SLC10A7: variants seen among roughly 807,000 people sequenced by gnomAD.
SLC10A7 encodes sodium/bile acid cotransporter 7.
SLC10A7 carries 29 observed loss-of-function variants against 43.2 expected under a neutral mutation model. The observed-to-expected ratio is 0.67, with a 90% CI of 0.50 to 0.92. The LOEUF (loss-of-function observed/expected upper bound fraction) is 0.92, where lower values mean the gene tolerates loss of function less well. Among genes scored for constraint, SLC10A7 ranks in the 40% least tolerant of loss-of-function variants. The pLI is 0.00. For synonymous variants in SLC10A7, 152 were observed against 144.8 expected (o/e 1.05, Z -0.35); for missense variants, 295 against 403.2 (o/e 0.73, Z 2.30).
intron 5 of SLC10A7, among the ~76,000 whole-genome samples, chr4:146,383,492 G>C (rs1210087873): frequency 6.6e-6 from 1 of 152,180 alleles, no homozygotes; most frequent in African/African-American, 2.4e-5. Context: ...GAAATCTCTA[G>C]ACGATATTTA....
At chr4:146,472,661 C>T (rs190521404) in intron 4 of SLC10A7, among the ~76,000 whole-genome samples, 2 of 152,224 alleles carry the variant, frequency 1.3e-5, no homozygotes, top group Admixed American at 6.5e-5. Flanking sequence ...GTGGAAGCTG[C>T]CTTATCACCT....
At chr4:146,511,675 A>G (rs912631255) in intron 2 of SLC10A7, among the ~76,000 whole-genome samples, 1 of 152,198 alleles carries the variant, frequency 6.6e-6, no homozygotes, top group Non-Finnish European at 1.5e-5. Flanking sequence ...CGATCTGAGT[A>G]TAATTTAGGA....
chr4:146,431,306 G>A (rs994093316), intron 5 of SLC10A7, among the ~76,000 whole-genome samples: 3 of 152,114 alleles, frequency 2.0e-5, no homozygotes, highest in Admixed American at 6.5e-5. Flanking sequence ...ACACAGTGGC[G>A]AAAGCAACAA....
At chr4:146,328,081 A>G (rs1304353206) in intron 5 of SLC10A7, among the ~76,000 whole-genome samples, 2 of 152,140 alleles carry the variant, frequency 1.3e-5, no homozygotes, top group Non-Finnish European at 2.9e-5. Flanking sequence ...GGGAGGCCTC[A>G]AGAGAAGCCC....
intron 5 of SLC10A7, among the ~76,000 whole-genome samples, chr4:146,413,991 C>T (rs1172834434): frequency 6.6e-6 from 1 of 152,120 alleles, no homozygotes; most frequent in African/African-American, 2.4e-5. Context: ...AGAACAAGCT[C>T]ACTATACTTC....
chr4:146,363,283 A>C (rs190214776), intron 5 of SLC10A7, among the ~76,000 whole-genome samples: 9 of 152,264 alleles, frequency 5.9e-5, no homozygotes, highest in Admixed American at 5.9e-4. Context: ...TCATTATATA[A>C]GGATAAAGGA....
At chr4:146,468,895 A>T (rs1394280268) in intron 4 of SLC10A7, among the ~76,000 whole-genome samples, 1 of 152,164 alleles carries the variant, frequency 6.6e-6, no homozygotes, top group African/African-American at 2.4e-5. Context: ...AATATTCAAT[A>T]ACAAATACAT....
chr4:146,384,626 A>C (rs993983792), intron 5 of SLC10A7, among the ~76,000 whole-genome samples: 2 of 152,138 alleles, frequency 1.3e-5, no homozygotes, highest in Non-Finnish European at 2.9e-5. Context: ...TTTGGACAAT[A>C]TTAGAAGATT....
At chr4:146,447,398 C>T (rs935957692) in intron 4 of SLC10A7, among the ~76,000 whole-genome samples, 8 of 152,108 alleles carry the variant, frequency 5.3e-5, no homozygotes, top group African/African-American at 1.9e-4. Context: ...TGTGAGTCAC[C>T]ATACCCAGCT....
intron 10 of SLC10A7, among the ~76,000 whole-genome samples, chr4:146,266,972 A>T (rs954532378): frequency 6.6e-6 from 1 of 152,230 alleles, no homozygotes; most frequent in African/African-American, 2.4e-5. Context: ...GCACTCTTCT[A>T]GGTGCAGTGA....
intron 11 of SLC10A7, among the ~76,000 whole-genome samples, chr4:146,257,829 C>A (rs1228773830): frequency 6.6e-6 from 1 of 152,118 alleles, no homozygotes; most frequent in Non-Finnish European, 1.5e-5. Flanking sequence ...ATCCTTTGAA[C>A]CAGGTAGAGG....
At position 146,513,181 on chromosome 4, in the gene SLC10A7, T is replaced by C. The variant is rs550798738; in HGVS notation, c.184-3132A>G. 4.6e-5 allele frequency among the ~76,000 whole-genome samples: 7 copies of C among 152,160 alleles called. No individual in the cohort carries two copies. The East Asian group carries it at 1.3e-3, about 29-fold the overall frequency. On this transcript the variant is annotated intron_variant, in intron 2 of 11. Transcript: ENST00000335472. ...TTATACATATCTTTATACCTTTCAA[T>C]TCTGAACTATGTAAATAAATCATAT...
At chr4:146,472,263 C>G (rs750982638) in intron 4 of SLC10A7, among the ~76,000 whole-genome samples, 89 of 152,002 alleles carry the variant, frequency 5.9e-4, no homozygotes, top group Non-Finnish European at 6.6e-4. Context: ...CTTCCATGTA[C>G]GGCATACATA....
intron 5 of SLC10A7, among the ~76,000 whole-genome samples, chr4:146,343,141 T>C (rs1431735994): frequency 6.6e-6 from 1 of 152,022 alleles, no homozygotes. Context: ...GATGAATAAT[T>C]ATACATCCTT....
At chr4:146,421,385 G>C (rs1014279624) in intron 5 of SLC10A7, among the ~76,000 whole-genome samples, 12 of 152,140 alleles carry the variant, frequency 7.9e-5, no homozygotes, top group African/African-American at 2.9e-4. Context: ...ATTCATTGTT[G>C]TTCATCTGGG....
At chr4:146,349,639 G>T (rs1372439807) in intron 5 of SLC10A7, among the ~76,000 whole-genome samples, 2 of 152,168 alleles carry the variant, frequency 1.3e-5, no homozygotes, top group Non-Finnish European at 2.9e-5. Context: ...ATTAGATAAA[G>T]AAAATGTGGT....
chr4:146,392,012 T>C (rs1347189882), intron 5 of SLC10A7, among the ~76,000 whole-genome samples: 1 of 152,222 alleles, frequency 6.6e-6, no homozygotes, highest in Non-Finnish European at 1.5e-5. Context: ...ACCCGCAGAT[T>C]CCAAGACATT....
At chr4:146,270,939 G>A (rs1482565929) in intron 10 of SLC10A7, among the ~76,000 whole-genome samples, 1 of 152,202 alleles carries the variant, frequency 6.6e-6, no homozygotes, top group Non-Finnish European at 1.5e-5. Flanking sequence ...TCTGCTTTGT[G>A]ATTTAATGTT....
rs1283240545 is a variant in SLC10A7, at chr4:146,350,402, TTG to T, written c.436-24408_436-24407del. Among the ~76,000 whole-genome samples, 4 of 141,626 alleles carry T rather than the reference TTG, an allele frequency of 2.8e-5. No individual in the cohort carries two copies. In the East Asian group the frequency reaches 6.2e-4, roughly 22 times the overall value. 92.9% of individuals were successfully genotyped at this position (141,626 alleles called of 152,430 possible). ...TCCTACGCCCACGGAATCTCGCTGATTGCTAGCACAGCAGTCTGAGATCAAAC... is the reference window on the plus strand; with the variant it reads ...TCCTACGCCCACGGAATCTCGCTGATCTAGCACAGCAGTCTGAGATCAAAC... On this transcript the variant is annotated intron_variant, in intron 5 of 11. Coordinates refer to ENST00000335472, the MANE Select transcript of SLC10A7 (RefSeq NM_001029998.6).
Sources: gnomAD v4.1 joint callset for allele counts (sites outside exome capture counted in the v4.1 genomes callset) on GRCh38, gnomAD v4.1.1 for gene constraint, MANE v1.5 for transcripts, NCBI Gene and HGNC (gene_info 2026-07-23, HGNC 2026-07-21) for gene names.